The following HNF4G variants were observed in gnomAD, a reference collection of about 807,000 sequenced individuals.
HNF4G encodes hepatocyte nuclear factor 4 gamma.
HNF4G carries 21 observed loss-of-function variants against 50.9 expected under a neutral mutation model. The ratio of observed to expected loss-of-function variants is 0.41; its 90% confidence interval spans 0.29 to 0.59. HNF4G has a LOEUF of 0.59. HNF4G is among the 20% of genes least tolerant of loss of function. The probability of loss-of-function intolerance (pLI) is 0.26; values close to 1 mark genes in which losing one functional copy is unlikely to be tolerated. For missense variants in HNF4G, 527 were observed against 559.4 expected, an observed-to-expected ratio of 0.94 and a Z score of 0.58; for synonymous variants, 198 against 185.6, an observed-to-expected ratio of 1.07 and a Z score of -0.54.
intron 2 of HNF4G, among the ~76,000 whole-genome samples, chr8:75,544,512 T>C (rs1806715443): frequency 6.6e-6 from 1 of 152,178 alleles, no homozygotes; most frequent in African/African-American, 2.4e-5. Flanking sequence ...TATCAATGAG[T>C]GAAATTTAAT....
intron 1 of HNF4G, among the ~76,000 whole-genome samples, chr8:75,489,630 T>A (rs1317424864): frequency 6.6e-6 from 1 of 152,248 alleles, no homozygotes; most frequent in Non-Finnish European, 1.5e-5. Context: ...GCTAAGACCA[T>A]GGTTGAGTTT....
chr8:75,553,582 G>T (rs1486946202), intron 5 of HNF4G, among the ~76,000 whole-genome samples: 4 of 152,026 alleles, frequency 2.6e-5, no homozygotes, highest in African/African-American at 9.7e-5. Context: ...TACTGAAGCT[G>T]CTATATAAAA....
At chr8:75,424,086 G>T (rs1285738629) in intron 1 of HNF4G, among the ~76,000 whole-genome samples, 3 of 151,982 alleles carry the variant, frequency 2.0e-5, no homozygotes, top group African/African-American at 7.2e-5. Flanking sequence ...CTCCCAAAGT[G>T]CTGAGATTAC....
chr8:75,562,324 AAG>A (rs1807338180), intron 9 of HNF4G, among the ~76,000 whole-genome samples: 1 of 151,792 alleles, frequency 6.6e-6, no homozygotes, highest in Non-Finnish European at 1.5e-5. Flanking sequence ...ATATATGAGA[AAG>A]AGAAAGAAAT....
intron 1 of HNF4G, among the ~76,000 whole-genome samples, chr8:75,540,426 A>G (rs1257738978): frequency 6.6e-6 from 1 of 152,108 alleles, no homozygotes; most frequent in African/African-American, 2.4e-5. Flanking sequence ...GTGAAAGTAT[A>G]TTTTCTAAGC....
Position 75,442,733 on chromosome 8 carries a change from G to A in HNF4G, c.-144+34571G>A, listed in dbSNP as rs539578981. On this transcript the variant is annotated intron_variant, in intron 1 of 10. Transcript: ENST00000354370. ...TATTTCCTAAAGCCTTCAGGAGATG[G>A]GGATCATTATTTTATATTGAGTTTG... Among the ~76,000 whole-genome samples, 8 of 151,932 alleles carry A rather than the reference G, an allele frequency of 5.3e-5. No individual in the cohort carries two copies. In the South Asian group the frequency reaches 1.7e-3, roughly 32 times the overall value.
chr8:75,474,041 A>G (rs1281653702), intron 1 of HNF4G, among the ~76,000 whole-genome samples: 1 of 152,200 alleles, frequency 6.6e-6, no homozygotes, highest in Non-Finnish European at 1.5e-5. Flanking sequence ...GTGGTCAACT[A>G]GGGATAGTCA....
At chr8:75,537,355 T>C (rs1806491647), upstream of HNF4G, among the ~76,000 whole-genome samples, 2 of 152,140 alleles carry the variant, frequency 1.3e-5, no homozygotes, top group Admixed American at 6.6e-5. Context: ...ATGATTCTCC[T>C]GCCTCAGCCT....
At chr8:75,437,770 A>T (rs1811174669) in intron 1 of HNF4G, among the ~76,000 whole-genome samples, 1 of 152,002 alleles carries the variant, frequency 6.6e-6, no homozygotes, top group African/African-American at 2.4e-5. Context: ...ATATAAACTC[A>T]TTTTTATCAT....
rs188619463 is a variant in HNF4G, at chr8:75,461,337, G to T, written c.-143-28752G>T. Among the ~76,000 whole-genome samples the T allele has an allele frequency of 4.0e-5, 6 of 151,692 alleles. No individual in the cohort carries two copies. In the East Asian group the frequency reaches 7.7e-4, roughly 20 times the overall value. On this transcript the variant is annotated intron_variant, in intron 1 of 10. Transcript: ENST00000354370. ...TTGGCTCCATTCCTTGGCCCCTTCC[G>T]CCATCTTCCTTCTTCAAAGCCCACA...
chr8:75,467,430 G>A (rs956899234), intron 1 of HNF4G, among the ~76,000 whole-genome samples: 12 of 152,182 alleles, frequency 7.9e-5, no homozygotes, highest in African/African-American at 2.9e-4. Context: ...GGGAGGCTGA[G>A]GCAGGCAGAT....
At chr8:75,551,904 T>G (rs1806971849) in intron 4 of HNF4G, among the ~76,000 whole-genome samples, 1 of 152,120 alleles carries the variant, frequency 6.6e-6, no homozygotes, top group Non-Finnish European at 1.5e-5. Context: ...TTCTGGATCT[T>G]TGGGAACTGC....
intron 1 of HNF4G, among the ~76,000 whole-genome samples, chr8:75,441,167 T>C (rs1183017004): frequency 6.6e-6 from 1 of 152,306 alleles, no homozygotes; most frequent in Non-Finnish European, 1.5e-5. Context: ...TTTTATTTTA[T>C]TATCCTAAGA....
intron 2 of HNF4G, among the ~76,000 whole-genome samples, chr8:75,533,552 G>T (rs1806384662): frequency 6.6e-6 from 1 of 151,778 alleles, no homozygotes; most frequent in Non-Finnish European, 1.5e-5. Context: ...ACTGTGTTTA[G>T]TTCATATTAT....
chr8:75,462,954 C>A (rs2130610814), intron 1 of HNF4G, among the ~76,000 whole-genome samples: 1 of 151,874 alleles, frequency 6.6e-6, no homozygotes, highest in Non-Finnish European at 1.5e-5. Flanking sequence ...AAACTATTTT[C>A]TAAATATATT....
chr8:75,497,122 CA>C (rs1812790605), intron 2 of HNF4G, among the ~76,000 whole-genome samples: 1 of 151,298 alleles, frequency 6.6e-6, no homozygotes, highest in South Asian at 2.1e-4. Context: ...GACTAAGAAC[CA>C]AACAGGGTTG....
chr8:75,478,684 T>C (rs1336390353), intron 1 of HNF4G, among the ~76,000 whole-genome samples: 1 of 152,220 alleles, frequency 6.6e-6, no homozygotes, highest in African/African-American at 2.4e-5. Context: ...AGTTTGCTCA[T>C]GTATAAAGCT....
At chr8:75,449,507 T>TC (rs1326999481) in intron 1 of HNF4G, among the ~76,000 whole-genome samples, 46 of 75,674 alleles carry the variant, frequency 6.1e-4, no homozygotes, top group African/African-American at 2.9e-3. Context: ...ATATATTTTT[T>TC]TCTTTTTTTT....
At chr8:75,437,372 A>G (rs976680576) in intron 1 of HNF4G, among the ~76,000 whole-genome samples, 3 of 152,210 alleles carry the variant, frequency 2.0e-5, no homozygotes, top group African/African-American at 7.2e-5. Context: ...AGCAACAGGA[A>G]CTGGCATACA....
Sources: gnomAD v4.1 joint callset for allele counts (sites outside exome capture counted in the v4.1 genomes callset) on GRCh38, gnomAD v4.1.1 for gene constraint, MANE v1.5 for transcripts, NCBI Gene and HGNC (gene_info 2026-07-23, HGNC 2026-07-21) for gene names.